Variants in SYN3 observed in about 807,000 individuals in gnomAD.
SYN3 encodes synapsin-3.
In SYN3, 35 loss-of-function variants were observed where a neutral mutation model predicts 65.8. The ratio of observed to expected loss-of-function variants is 0.53; its 90% CI spans 0.41 to 0.70. The LOEUF (loss-of-function observed/expected upper bound fraction) is 0.70. SYN3 is among the 30% of genes least tolerant of loss of function. The probability of loss-of-function intolerance (pLI) is 0.00; values close to 1 mark genes in which losing one functional copy is unlikely to be tolerated. For synonymous variants in SYN3, 270 were observed against 292.9 expected (o/e 0.92, Z 0.80); for missense variants, 680 against 749.0 (o/e 0.91, Z 1.08).
chr22:32,942,134 A>AGAAGGG (rs1279528460), intron 3 of SYN3, among the ~76,000 whole-genome samples: 2 of 152,226 alleles, frequency 1.3e-5, no homozygotes, highest in African/African-American at 4.8e-5. Context: ...ATCTGAGAAC[A>AGAAGGG]GACAGACTGC....
At chr22:33,011,581 A>C (rs967947122) in intron 1 of SYN3, among the ~76,000 whole-genome samples, 1 of 152,156 alleles carries the variant, frequency 6.6e-6, no homozygotes, top group Non-Finnish European at 1.5e-5. Flanking sequence ...GGGTAATATT[A>C]ACCTCACAAA....
At chr22:32,616,073 C>A (rs1243319382) in intron 6 of SYN3, among the ~76,000 whole-genome samples, 1 of 152,224 alleles carries the variant, frequency 6.6e-6, no homozygotes, top group Non-Finnish European at 1.5e-5. Flanking sequence ...TCCCTGCAAG[C>A]TGCGAGGAGA....
At chr22:32,637,604 C>A (rs901222027) in intron 6 of SYN3, among the ~76,000 whole-genome samples, 1 of 147,292 alleles carries the variant, frequency 6.8e-6, no homozygotes, top group African/African-American at 2.5e-5. Flanking sequence ...TAGTACCCAA[C>A]AGTTAGGTTT....
intron 6 of SYN3, among the ~76,000 whole-genome samples, chr22:32,671,269 CACTT>C (rs2060357710): frequency 1.3e-5 from 2 of 152,148 alleles, no homozygotes; most frequent in Non-Finnish European, 2.9e-5. Context: ...CACTCTTACA[CACTT>C]ACACTCCCAC....
rs531116871 is a variant in SYN3 at position 32,561,411 on chromosome 22, A to G, written c.775-19698T>C. 5.9e-5 allele frequency among the ~76,000 whole-genome samples: 9 copies of G among 152,232 alleles called. 1 individual carries two copies. Among genetic ancestry groups the G allele is most frequent in the African/African-American group, 2.2e-4 (9 of 41,558 alleles). ...GCCTTCACTGGCTTCTGGCTGCCCA[A>G]ACCTGCTTGGCTTGCCTATGGGTGT... is the stretch of plus-strand genomic sequence containing the variant. On this transcript the variant is annotated intron_variant, in intron 7 of 13. Coordinates refer to ENST00000358763, the MANE Select transcript of SYN3 (RefSeq NM_003490.4).
intron 7 of SYN3, among the ~76,000 whole-genome samples, chr22:32,562,904 A>G (rs2058607174): frequency 6.6e-6 from 1 of 152,262 alleles, no homozygotes; most frequent in Non-Finnish European, 1.5e-5. Context: ...GGACAAGGGA[A>G]AGAAGAGCCA....
At chr22:32,708,285 CA>C (rs1415667994) in intron 6 of SYN3, among the ~76,000 whole-genome samples, 1 of 152,202 alleles carries the variant, frequency 6.6e-6, no homozygotes, top group African/African-American at 2.4e-5. Context: ...TAATACAAAG[CA>C]GCTCAGATTT....
chr22:32,972,741 C>T (rs1420870171), intron 3 of SYN3, among the ~76,000 whole-genome samples: 3 of 152,078 alleles, frequency 2.0e-5, no homozygotes, highest in African/African-American at 7.2e-5. Flanking sequence ...ACCTGTAATC[C>T]CAGCACTTTG....
intron 6 of SYN3, among the ~76,000 whole-genome samples, chr22:32,625,714 G>C (rs535618640): frequency 6.6e-6 from 1 of 152,110 alleles, no homozygotes; most frequent in Non-Finnish European, 1.5e-5. Context: ...CTCTTCCCCT[G>C]ACAGTGCCAT....
At chr22:32,906,531 G>T (rs182662906) in intron 4 of SYN3, among the ~76,000 whole-genome samples, 1 of 152,210 alleles carries the variant, frequency 6.6e-6, no homozygotes, top group Admixed American at 6.5e-5. Context: ...GGATACATGT[G>T]CAGAATGTGC....
chr22:32,533,790 C>T lies in SYN3; in HGVS notation c.1095+3G>A, dbSNP rs902187479. ...CAGGAGGACTCCCTGCTTCATCCCT[C>T]ACCTCGATGATGTAATCTCTGCCAT... On this transcript the variant is annotated splice_donor_region_variant and intron_variant, in intron 10 of 13. Coordinates refer to ENST00000358763, the MANE Select transcript of SYN3 (RefSeq NM_003490.4). 6.2e-7 allele frequency: 1 copy of T among 1,609,256 alleles called. No homozygotes were observed.
chr22:32,707,641 A>C (rs768798347), intron 6 of SYN3, among the ~76,000 whole-genome samples: 16 of 152,166 alleles, frequency 1.1e-4, no homozygotes, highest in Middle Eastern at 3.4e-3. Flanking sequence ...GGGAGGCCCA[A>C]ATGAGATAAT....
rs533746658 is a variant in SYN3 at position 32,618,817 on chromosome 22, G to A, written c.712-22081C>T. On this transcript the variant is annotated intron_variant, in intron 6 of 13. Coordinates refer to ENST00000358763, the MANE Select transcript of SYN3 (RefSeq NM_003490.4). ...CTTGAACAGCTGAAAGTTCAAAGTGGGCCACAGCTCCTTAAGCTCAGCTCT... is the reference window on the plus strand; with the variant it reads ...CTTGAACAGCTGAAAGTTCAAAGTGAGCCACAGCTCCTTAAGCTCAGCTCT... Among the ~76,000 whole-genome samples the A allele has an allele frequency of 3.3e-5, 5 of 152,262 alleles. No individual in the cohort carries two copies. The South Asian group carries it at 1.0e-3, about 32-fold the overall frequency.
At chr22:32,799,330 G>A (rs542616109) in intron 6 of SYN3, among the ~76,000 whole-genome samples, 43 of 152,314 alleles carry the variant, frequency 2.8e-4, no homozygotes, top group African/African-American at 1.0e-3. Flanking sequence ...GATAGGGAGT[G>A]AGAAGAAATT....
intron 6 of SYN3, among the ~76,000 whole-genome samples, chr22:32,597,479 G>T (rs890872502): frequency 6.6e-6 from 1 of 152,082 alleles, no homozygotes; most frequent in Non-Finnish European, 1.5e-5. Flanking sequence ...GCCTCCTGAA[G>T]TGCTGGGGTT....
At chr22:32,516,269 A>C (rs892657452) in intron 13 of SYN3, among the ~76,000 whole-genome samples, 1 of 152,154 alleles carries the variant, frequency 6.6e-6, no homozygotes, top group East Asian at 1.9e-4. Context: ...AACTAACAAA[A>C]GTCATTTCTG....
chr22:32,709,286 G>A (rs1364176381), intron 6 of SYN3, among the ~76,000 whole-genome samples: 1 of 152,204 alleles, frequency 6.6e-6, no homozygotes, highest in Non-Finnish European at 1.5e-5. Context: ...GGAACAACTT[G>A]AACGGCATCA....
chr22:32,524,419 C>A (rs1209327498), intron 12 of SYN3, among the ~76,000 whole-genome samples: 1 of 152,158 alleles, frequency 6.6e-6, no homozygotes, highest in African/African-American at 2.4e-5. Context: ...TCCTAGGGCC[C>A]TTAAGAATGA....
chr22:32,869,138 A>G lies in SYN3; in HGVS notation c.462-13T>C, dbSNP rs2048770854. 1 of 1,610,524 alleles carries G rather than the reference A, an allele frequency of 6.2e-7. No individual in the cohort carries two copies. The highest frequency in any genetic ancestry group is 8.5e-7 in the Non-Finnish European group (1 of 1,177,698). On this transcript the variant is annotated splice_polypyrimidine_tract_variant and intron_variant, in intron 4 of 13. Coordinates refer to ENST00000358763, the MANE Select transcript of SYN3 (RefSeq NM_003490.4). Reference sequence around the variant, plus strand: ...CTTGAAGGATCTGCTGAGAAAGCCAACAGCAGTGTTACCACACTGGGACAT... The same window carrying G: ...CTTGAAGGATCTGCTGAGAAAGCCAGCAGCAGTGTTACCACACTGGGACAT...
Sources: allele counts gnomAD v4.1 joint callset (sites outside exome capture counted in the v4.1 genomes callset), GRCh38; gene constraint gnomAD v4.1.1; transcripts MANE v1.5; gene names NCBI Gene and HGNC (gene_info 2026-07-23, HGNC 2026-07-21).